SLC38A3: variants seen among roughly 807,000 people sequenced by gnomAD.
The protein encoded by SLC38A3 is sodium-coupled neutral amino acid transporter 3.
Under a neutral mutation model 59.5 loss-of-function variants are expected in SLC38A3, and 17 were observed. The observed-to-expected ratio is 0.29, with a 90% CI of 0.20 to 0.43. The LOEUF is 0.43. SLC38A3 is among the 20% of genes least tolerant of loss of function. SLC38A3 has a pLI of 1.00. For missense variants in SLC38A3, 454 were observed against 653.9 expected (o/e 0.69, Z 3.33); for synonymous variants, 238 against 260.3 (o/e 0.91, Z 0.82).
At position 50,217,751 on chromosome 3, in the gene SLC38A3, G is replaced by A. The variant is rs183969452; in HGVS notation, c.766G>A (p.Val256Met). 1.7e-5 allele frequency: 27 copies of A among 1,613,686 alleles called. No homozygotes were observed. The highest frequency in any genetic ancestry group is 4.5e-5 in the East Asian group (2 of 44,884). The change falls in exon 10 of 16, where the codon GTG becomes ATG. Residue 256 changes from valine to methionine, a missense_variant. Coordinates refer to ENST00000614032, the MANE Select transcript of SLC38A3 (RefSeq NM_006841.6). This position sits in a 1 kb window ranked among gnomAD's most constrained non-coding sequence, Gnocchi z 4.9. Reference sequence around the variant, plus strand: ...CAACACCACAGGCAACTTCAGCCACGTGGAGATCGTGAAGGAGAAGGTGCA... The same window carrying A: ...CAACACCACAGGCAACTTCAGCCACATGGAGATCGTGAAGGAGAAGGTGCA... ...FNNTTGNFSH[V>M]EIVKEKVQLQ...
chr3:50,215,342 C>G lies in SLC38A3; in HGVS notation c.300-44C>G. 2 of 1,579,552 alleles carry G rather than the reference C, an allele frequency of 1.3e-6. No individual in the cohort carries two copies. Among genetic ancestry groups the G allele is most frequent in the Non-Finnish European group, 1.7e-6 (2 of 1,148,808 alleles). ...CTCACCCTCTGCCAGCCACGGTAGC[C>G]CCCCAGTGGCCTCTTTTTCTTCCAT... On this transcript the variant is annotated intron_variant, in intron 4 of 15. Coordinates refer to ENST00000614032, the MANE Select transcript of SLC38A3 (RefSeq NM_006841.6). This position sits in a 1 kb window ranked among gnomAD's most constrained non-coding sequence, Gnocchi z 7.1.
At position 50,220,198 on chromosome 3, in the gene SLC38A3, G is replaced by A; in HGVS notation, c.*21G>A. Reference sequence around the variant, plus strand: ...ACTAGGGTGACCCTCATCCTGTTCTGTCTACTCACCCTAGCAGCCCTGCCC... The same window carrying A: ...ACTAGGGTGACCCTCATCCTGTTCTATCTACTCACCCTAGCAGCCCTGCCC... On this transcript the variant is annotated 3_prime_UTR_variant, in exon 16 of 16. Coordinates refer to ENST00000614032, the MANE Select transcript of SLC38A3 (RefSeq NM_006841.6). 1.3e-6 allele frequency: 2 copies of A among 1,542,250 alleles called. No individual in the cohort carries two copies. The highest frequency in any genetic ancestry group is 1.8e-6 in the Non-Finnish European group (2 of 1,133,894).
Position 50,220,224 on chromosome 3 carries a change from A to C in SLC38A3, c.*47A>C, listed in dbSNP as rs587645818. ...TCTACTCACCCTAGCAGCCCTGCCC[A>C]GACTCTTCAGCCCCTGCTCCCATCC... is the stretch of plus-strand genomic sequence containing the variant. On this transcript the variant is annotated 3_prime_UTR_variant, in exon 16 of 16. Coordinates refer to ENST00000614032, the MANE Select transcript of SLC38A3 (RefSeq NM_006841.6). 52 of 1,419,480 alleles carry C rather than the reference A, an allele frequency of 3.7e-5. 1 individual carries two copies. The South Asian group carries it at 6.2e-4, about 17-fold the overall frequency. The allele number at this position is 1,419,480 out of a possible 1,614,324, so 87.9% of individuals were successfully genotyped here.
At chr3:50,216,395 T>C (rs1460167630) in intron 7 of SLC38A3, among the ~76,000 whole-genome samples, 3 of 152,252 alleles carry the variant, frequency 2.0e-5, no homozygotes. Flanking sequence ...GGAGTTGGCC[T>C]CAGGGCTTGC....
chr3:50,217,400 C>A lies in SLC38A3; in HGVS notation c.632-15C>A. 6.2e-7 allele frequency: 1 copy of A among 1,612,878 alleles called. No individual in the cohort carries two copies. Among genetic ancestry groups the A allele is most frequent in the Non-Finnish European group, 8.5e-7 (1 of 1,179,392 alleles). On this transcript the variant is annotated splice_polypyrimidine_tract_variant and intron_variant, in intron 8 of 15. Transcript: ENST00000614032. The surrounding 1 kb of genome is among the most constrained non-coding windows in gnomAD (Gnocchi z 4.9). ...GAGGGGCCCCAGGTCTCAGAGTGCTCCCTCCACTTTGCAGGCTACCTGGGC... is the reference window on the plus strand; with the variant it reads ...GAGGGGCCCCAGGTCTCAGAGTGCTACCTCCACTTTGCAGGCTACCTGGGC...
At chr3:50,210,328 C>A (rs1044058514) in intron 1 of SLC38A3, among the ~76,000 whole-genome samples, 1 of 152,172 alleles carries the variant, frequency 6.6e-6, no homozygotes, top group Non-Finnish European at 1.5e-5. Flanking sequence ...TCACGATGGA[C>A]CCTCAAGCCA....
Position 50,218,523 on chromosome 3 carries a change from T to C in SLC38A3, c.1037-70T>C. On this transcript the variant is annotated intron_variant, in intron 12 of 15. Coordinates refer to ENST00000614032, the MANE Select transcript of SLC38A3 (RefSeq NM_006841.6). The surrounding 1 kb of genome is among the most constrained non-coding windows in gnomAD (Gnocchi z 5.8). Reference sequence around the variant, plus strand: ...CATGCCAATCCCCACAGTGTTGGGGTCCCCTAGGCAGCTCAGATCCCACCT... The same window carrying C: ...CATGCCAATCCCCACAGTGTTGGGGCCCCCTAGGCAGCTCAGATCCCACCT... 1 of 1,589,356 alleles carries C rather than the reference T, an allele frequency of 6.3e-7. No homozygotes were observed. The highest frequency in any genetic ancestry group is 8.6e-7 in the Non-Finnish European group (1 of 1,167,346).
Position 50,214,913 on chromosome 3 carries a change from A to G in SLC38A3, c.299+145A>G. The G allele has an allele frequency of 1.5e-6, 1 of 661,524 alleles. No homozygotes were observed. The highest frequency in any genetic ancestry group is 2.7e-6 in the Non-Finnish European group (1 of 372,686). 41.0% of individuals were successfully genotyped at this position (661,524 alleles called of 1,614,324 possible). ...TACACTAACAAACCGCGGCTGAAAAAAACATCCACAGCCAAACAAATATAC... is the reference window on the plus strand; with the variant it reads ...TACACTAACAAACCGCGGCTGAAAAGAACATCCACAGCCAAACAAATATAC... On this transcript the variant is annotated intron_variant, in intron 4 of 15. Transcript: ENST00000614032. The surrounding 1 kb of genome is among the most constrained non-coding windows in gnomAD (Gnocchi z 6.0).
intron 1 of SLC38A3, among the ~76,000 whole-genome samples, chr3:50,212,558 CA>C (rs1699748420): frequency 6.6e-6 from 1 of 152,146 alleles, no homozygotes; most frequent in African/African-American, 2.4e-5. Context: ...ATGCTTGCAT[CA>C]GAAGGAGAGG....
At chr3:50,219,305 C>T (rs1293526380) in intron 14 of SLC38A3, among the ~76,000 whole-genome samples, 2 of 152,158 alleles carry the variant, frequency 1.3e-5, no homozygotes, top group Admixed American at 1.3e-4. Flanking sequence ...CTTGATTCAG[C>T]CCCAGGATCA....
chr3:50,218,586 G>T lies in SLC38A3; in HGVS notation c.1037-7G>T. ...CACCTACTGACCACCCTCCCTGCCT[G>T]CCACAGACGGGGTGGAGTCGGAGCT... On this transcript the variant is annotated splice_polypyrimidine_tract_variant and splice_region_variant and intron_variant, in intron 12 of 15. Transcript: ENST00000614032. The surrounding 1 kb of genome is among the most constrained non-coding windows in gnomAD (Gnocchi z 5.8). The T allele has an allele frequency of 6.2e-7, 1 of 1,611,292 alleles. No homozygotes were observed. The highest frequency in any genetic ancestry group is 8.5e-7 in the Non-Finnish European group (1 of 1,178,728).
At position 50,217,188 on chromosome 3, in the gene SLC38A3, TC is replaced by T; in HGVS notation, c.549-47del. 1 of 1,421,112 alleles carries T rather than the reference TC, an allele frequency of 7.0e-7. No homozygotes were observed. The highest frequency in any genetic ancestry group is 9.8e-7 in the Non-Finnish European group (1 of 1,020,494). 88.0% of individuals were successfully genotyped at this position (1,421,112 alleles called of 1,614,324 possible). A position where few individuals can be genotyped will look rare whatever the true frequency, so the allele number is the denominator to read the frequency against. On this transcript the variant is annotated intron_variant, in intron 7 of 15. Coordinates refer to ENST00000614032, the MANE Select transcript of SLC38A3 (RefSeq NM_006841.6). The surrounding 1 kb of genome is among the most constrained non-coding windows in gnomAD (Gnocchi z 4.9). Reference sequence around the variant, plus strand: ...CCAGCAGAGGGAGGCAGGGGCCCCATCCCAGGCTGAATGGATTCTGACCCTG... The same window carrying T: ...CCAGCAGAGGGAGGCAGGGGCCCCATCCAGGCTGAATGGATTCTGACCCTG...
chr3:50,209,948 G>A (rs1187786362), intron 1 of SLC38A3, among the ~76,000 whole-genome samples: 1 of 152,160 alleles, frequency 6.6e-6, no homozygotes, highest in African/African-American at 2.4e-5. Flanking sequence ...TTGATGAGGA[G>A]GACATGAAAA....
chr3:50,213,905 G>A (rs1486478199), intron 1 of SLC38A3, among the ~76,000 whole-genome samples: 1 of 152,186 alleles, frequency 6.6e-6, no homozygotes, highest in East Asian at 1.9e-4. Flanking sequence ...TGCCTGGACG[G>A]GTGTGCATGT....
chr3:50,211,357 A>C (rs1699724466), intron 1 of SLC38A3, among the ~76,000 whole-genome samples: 1 of 152,012 alleles, frequency 6.6e-6, no homozygotes, highest in African/African-American at 2.4e-5. Context: ...AGACTCCTAG[A>C]CCTGGCCTTT....
Position 50,217,177 on chromosome 3 carries a change from C to G in SLC38A3, c.549-61C>G. The stretch of plus-strand genomic sequence containing the variant: ...CATTGGTAACTCCAGCAGAGGGAGG[C>G]AGGGGCCCCATCCCAGGCTGAATGG... On this transcript the variant is annotated intron_variant, in intron 7 of 15. Coordinates refer to ENST00000614032, the MANE Select transcript of SLC38A3 (RefSeq NM_006841.6). This position sits in a 1 kb window ranked among gnomAD's most constrained non-coding sequence, Gnocchi z 4.9. The G allele has an allele frequency of 8.5e-7, 1 of 1,169,888 alleles. No homozygotes were observed. The allele number at this position is 1,169,888 out of a possible 1,614,324, so 72.5% of individuals were successfully genotyped here.
In SLC38A3 at chr3:50,217,865, G is replaced by A; in HGVS notation, c.855+25G>A. 6.2e-7 allele frequency: 1 copy of A among 1,614,000 alleles called. No homozygotes were observed. The highest frequency in any genetic ancestry group is 1.1e-5 in the South Asian group (1 of 91,084). On this transcript the variant is annotated intron_variant, in intron 10 of 15. Transcript: ENST00000614032. The surrounding 1 kb of genome is among the most constrained non-coding windows in gnomAD (Gnocchi z 4.9). ...GGTTCTGACAGGTCAGGGCAAGGCGGGGGCCCAATGAGAGTGGCAGACTGC... is the reference window on the plus strand; with the variant it reads ...GGTTCTGACAGGTCAGGGCAAGGCGAGGGCCCAATGAGAGTGGCAGACTGC...
chr3:50,220,667 A>C lies in SLC38A3; in HGVS notation c.*490A>C. 1.1e-5 allele frequency: 2 copies of C among 175,578 alleles called. No individual in the cohort carries two copies. Among genetic ancestry groups the C allele is most frequent in the South Asian group, 1.2e-4 (1 of 8,012 alleles). The allele number at this position is 175,578 out of a possible 1,614,324, so 10.9% of individuals were successfully genotyped here. A position where few individuals can be genotyped will look rare whatever the true frequency, so the allele number is the denominator to read the frequency against. On this transcript the variant is annotated 3_prime_UTR_variant, in exon 16 of 16. Coordinates refer to ENST00000614032, the MANE Select transcript of SLC38A3 (RefSeq NM_006841.6). ...TTTTCAGACTCCTGGGCCCTTGGAT[A>C]CTCTTCTCCCATCTCCCTTCACAGG...
Position 50,214,543 on chromosome 3 carries a change from G to C in SLC38A3, c.183+60G>C. On this transcript the variant is annotated intron_variant, in intron 3 of 15. Transcript: ENST00000614032. The surrounding 1 kb of genome is among the most constrained non-coding windows in gnomAD (Gnocchi z 6.0). The stretch of plus-strand genomic sequence containing the variant: ...GTGGGGAGCTTGGATGCAGTAATGA[G>C]GTGGTCTCTGGCAGCAGTGGGAGGC... The C allele has an allele frequency of 6.7e-7, 1 of 1,497,722 alleles. No individual in the cohort carries two copies. The highest frequency in any genetic ancestry group is 9.1e-7 in the Non-Finnish European group (1 of 1,096,448). The allele number at this position is 1,497,722 out of a possible 1,614,324, so 92.8% of individuals were successfully genotyped here. A position where few individuals can be genotyped will look rare whatever the true frequency, so the allele number is the denominator to read the frequency against.
Sources: gnomAD v4.1 joint callset for allele counts (sites outside exome capture counted in the v4.1 genomes callset) on GRCh38, gnomAD v4.1.1 for gene constraint, Gnocchi (gnomAD v3.1) non-coding constraint, MANE v1.5 for transcripts, NCBI Gene and HGNC (gene_info 2026-07-23, HGNC 2026-07-21) for gene names.